The following GALNT18 variants were observed in gnomAD, a reference collection of about 807,000 sequenced individuals.
GALNT18 encodes GalNAc-transferase 18.
A neutral mutation model predicts 69.5 loss-of-function variants in GALNT18; 44 were observed. That is an observed-to-expected ratio of 0.63 (90% CI 0.50 to 0.81). The LOEUF (loss-of-function observed/expected upper bound fraction) is 0.81, where lower values mean the gene tolerates loss of function less well. GALNT18 is among the 40% of genes least tolerant of loss of function. The pLI, the probability that GALNT18 is intolerant of heterozygous loss-of-function variation, is 0.00. For synonymous variants in GALNT18, 364 were observed against 318.2 expected, an observed-to-expected ratio of 1.14 and a Z score of -1.53; for missense variants, 715 against 810.0, an observed-to-expected ratio of 0.88 and a Z score of 1.42.
At chr11:11,445,842 A>G (rs1319150201) in intron 2 of GALNT18, among the ~76,000 whole-genome samples, 1 of 152,168 alleles carries the variant, frequency 6.6e-6, no homozygotes, top group African/African-American at 2.4e-5. Context: ...TTCTGTGCAG[A>G]GGGAAGGTCT....
chr11:11,422,182 AG>A (rs1422166214), intron 3 of GALNT18, among the ~76,000 whole-genome samples: 3 of 152,254 alleles, frequency 2.0e-5, no homozygotes, highest in African/African-American at 7.2e-5. Flanking sequence ...CAGAAACTCA[AG>A]AGTCATATAA....
rs1321552814 is a variant in GALNT18 at position 11,604,517 on chromosome 11, G to A, written c.235+16842C>T. On this transcript the variant is annotated intron_variant, in intron 1 of 10. Transcript: ENST00000227756. This position sits in a 1 kb window ranked among gnomAD's most constrained non-coding sequence, Gnocchi z 5.6. ...GCAACACCAGTAAGAGGCAGCACCA[G>A]GATTTGAGGCAAGTCCAAGTGACTC... is the stretch of plus-strand genomic sequence containing the variant. 2.6e-5 allele frequency among the ~76,000 whole-genome samples: 4 copies of A among 152,148 alleles called. No homozygotes were observed. Among genetic ancestry groups the A allele is most frequent in the African/African-American group, 9.7e-5 (4 of 41,436 alleles).
chr11:11,556,943 A>G (rs1164461038), intron 1 of GALNT18, among the ~76,000 whole-genome samples: 1 of 152,228 alleles, frequency 6.6e-6, no homozygotes. Flanking sequence ...TGTTGAACAA[A>G]TATCTCAAGA....
chr11:11,336,167 C>T (rs1381322528), intron 7 of GALNT18, among the ~76,000 whole-genome samples: 1 of 152,152 alleles, frequency 6.6e-6, no homozygotes, highest in African/African-American at 2.4e-5. Flanking sequence ...GCTCCTGAAC[C>T]CTGCTTAAGA....
intron 1 of GALNT18, among the ~76,000 whole-genome samples, chr11:11,506,566 T>C (rs1028966546): frequency 6.6e-6 from 1 of 152,188 alleles, no homozygotes; most frequent in Admixed American, 6.5e-5. Flanking sequence ...CCTGGAGTAG[T>C]GCTGGCCATG....
Position 11,596,933 on chromosome 11 carries a change from G to A in GALNT18, c.235+24426C>T, listed in dbSNP as rs1477194710. On this transcript the variant is annotated intron_variant, in intron 1 of 10. Coordinates refer to ENST00000227756, the MANE Select transcript of GALNT18 (RefSeq NM_198516.3). The surrounding 1 kb of genome is among the most constrained non-coding windows in gnomAD (Gnocchi z 4.2). ...GACCATTAAGTATGATGTTAGTTGT[G>A]GGATTTTTTGTAGATGTTCTTCATC... Among the ~76,000 whole-genome samples the A allele has an allele frequency of 6.6e-6, 1 of 152,042 alleles. No individual in the cohort carries two copies. Among genetic ancestry groups the A allele is most frequent in the Non-Finnish European group, 1.5e-5 (1 of 67,982 alleles).
intron 1 of GALNT18, among the ~76,000 whole-genome samples, chr11:11,508,930 T>C (rs1857119533): frequency 6.6e-6 from 1 of 152,190 alleles, no homozygotes; most frequent in Non-Finnish European, 1.5e-5. Context: ...CTCAGAAATC[T>C]TTGATGGCTC....
At chr11:11,343,179 G>A (rs1304282932) in intron 6 of GALNT18, among the ~76,000 whole-genome samples, 1 of 151,792 alleles carries the variant, frequency 6.6e-6, no homozygotes, top group African/African-American at 2.4e-5. Flanking sequence ...CCTCATCTCT[G>A]CTGAAAATTT....
chr11:11,385,299 T>A (rs757979298), intron 3 of GALNT18, among the ~76,000 whole-genome samples: 8 of 36,266 alleles, frequency 2.2e-4, no homozygotes, highest in Admixed American at 1.2e-3. Context: ...GGGGATCAAA[T>A]TTTTTTTTTT....
chr11:11,271,658 C>A (rs1406127587), intron 10 of GALNT18, among the ~76,000 whole-genome samples: 1 of 119,660 alleles, frequency 8.4e-6, no homozygotes, highest in Non-Finnish European at 1.8e-5. Flanking sequence ...CCATCATTGG[C>A]CTGCATTTGA....
At position 11,358,240 on chromosome 11, in the gene GALNT18, A is replaced by G. The variant is rs1217121560; in HGVS notation, c.1092+14275T>C. 4.3e-5 allele frequency among the ~76,000 whole-genome samples: 6 copies of G among 140,462 alleles called. 1 individual carries two copies. The highest frequency in any genetic ancestry group is 9.6e-5 in the Non-Finnish European group (6 of 62,808). The allele number at this position is 140,462 out of a possible 152,430, so 92.1% of individuals were successfully genotyped here. On this transcript the variant is annotated intron_variant, in intron 6 of 10. Coordinates refer to ENST00000227756, the MANE Select transcript of GALNT18 (RefSeq NM_198516.3). Reference sequence around the variant, plus strand: ...GAATCCAGGTATTATATTTCTCTCTATCTTAACACCAACTACATGTTACAA... The same window carrying G: ...GAATCCAGGTATTATATTTCTCTCTGTCTTAACACCAACTACATGTTACAA...
At chr11:11,283,581 C>T (rs539298980) in intron 10 of GALNT18, among the ~76,000 whole-genome samples, 6 of 152,284 alleles carry the variant, frequency 3.9e-5, no homozygotes, top group Admixed American at 2.6e-4. Flanking sequence ...TGTCCTCACT[C>T]GCAGGGTCCA....
At chr11:11,561,825 A>G (rs1021106264) in intron 1 of GALNT18, among the ~76,000 whole-genome samples, 2 of 152,180 alleles carry the variant, frequency 1.3e-5, no homozygotes, top group Non-Finnish European at 2.9e-5. Context: ...CTTGGAAAGC[A>G]AAGACGAGAA....
At chr11:11,548,433 T>C (rs1450820708) in intron 1 of GALNT18, among the ~76,000 whole-genome samples, 1 of 152,132 alleles carries the variant, frequency 6.6e-6, no homozygotes, top group African/African-American at 2.4e-5. Flanking sequence ...ACAAAACTGC[T>C]CCATCCAACA....
intron 1 of GALNT18, among the ~76,000 whole-genome samples, chr11:11,453,849 A>T (rs1477389681): frequency 1.3e-5 from 2 of 152,192 alleles, no homozygotes; most frequent in African/African-American, 2.4e-5. Context: ...TCTTTTCTTT[A>T]TAAATTACCC....
At chr11:11,407,151 G>A (rs959720363) in intron 3 of GALNT18, among the ~76,000 whole-genome samples, 1 of 152,216 alleles carries the variant, frequency 6.6e-6, no homozygotes, top group African/African-American at 2.4e-5. Context: ...GATTTTACAC[G>A]TCATAGGCAG....
rs879327563 is a variant in GALNT18 at position 11,387,455 on chromosome 11, C to T, written c.596-8191G>A. Among the ~76,000 whole-genome samples, 4 of 152,172 alleles carry T rather than the reference C, an allele frequency of 2.6e-5. No homozygotes were observed. Among genetic ancestry groups the T allele is most frequent in the Non-Finnish European group, 4.4e-5 (3 of 68,034 alleles). On this transcript the variant is annotated intron_variant, in intron 3 of 10. Transcript: ENST00000227756. This position sits in a 1 kb window ranked among gnomAD's most constrained non-coding sequence, Gnocchi z 4.6. ...AGTGGGAACACCCCACCCACACCCCCACTAATCCACCTCCCACTGACAAGT... is the reference window on the plus strand; with the variant it reads ...AGTGGGAACACCCCACCCACACCCCTACTAATCCACCTCCCACTGACAAGT...
At chr11:11,275,897 T>C (rs1222749264) in intron 10 of GALNT18, among the ~76,000 whole-genome samples, 3 of 152,250 alleles carry the variant, frequency 2.0e-5, no homozygotes, top group Admixed American at 6.5e-5. Context: ...TCTATCTCTC[T>C]GTTTTGGTAC....
chr11:11,425,555 T>C (rs768521929), intron 3 of GALNT18, among the ~76,000 whole-genome samples: 1 of 152,230 alleles, frequency 6.6e-6, no homozygotes. Context: ...GTGATTTTTA[T>C]GTTTATCAAA....
Sources: allele counts gnomAD v4.1 joint callset (sites outside exome capture counted in the v4.1 genomes callset), GRCh38; gene constraint gnomAD v4.1.1; non-coding constraint Gnocchi (gnomAD v3.1); transcripts MANE v1.5; gene names NCBI Gene and HGNC (gene_info 2026-07-23, HGNC 2026-07-21).